Variants in ABCA3 observed in about 807,000 individuals in gnomAD.
ABCA3 encodes phospholipid-transporting ATPase ABCA3.
ABCA3 carries 88 observed loss-of-function variants against 172.8 expected under a neutral mutation model. The ratio of observed to expected loss-of-function variants is 0.51; its 90% CI spans 0.43 to 0.61. The LOEUF is 0.61. Among genes scored for constraint, ABCA3 ranks in the 20% least tolerant of loss-of-function variants. The pLI, the probability that ABCA3 is intolerant of heterozygous loss-of-function variation, is 0.00. For missense variants in ABCA3, 2,164 were observed against 2,301.0 expected (o/e 0.94, Z 1.22); for synonymous variants, 1,066 against 983.8 (o/e 1.08, Z -1.56).
intron 10 of ABCA3, among the ~76,000 whole-genome samples, chr16:2,315,617 G>GAT (rs947068057): frequency 6.6e-6 from 1 of 152,114 alleles, no homozygotes; most frequent in Non-Finnish European, 1.5e-5. Context: ...GTGCACATCA[G>GAT]ATATGTTGGC....
At chr16:2,309,818 C>G (rs1220354310) in intron 10 of ABCA3, among the ~76,000 whole-genome samples, 3 of 152,052 alleles carry the variant, frequency 2.0e-5, no homozygotes, top group African/African-American at 7.2e-5. Flanking sequence ...ATGGGTTTCC[C>G]TATTTTGTCA....
Position 2,303,986 on chromosome 16 carries a change from A to T in ABCA3, c.1450T>A (p.Trp484Arg). Residue 484 changes from tryptophan to arginine, a missense_variant, in exon 12 of 33, where the codon TGG (tryptophan) becomes AGG (arginine). Around this residue, in one of 3 missense-constraint regions of ABCA3, gnomAD observed 1,343 missense variants for 1,369.6 expected, o/e 0.98. Coordinates refer to ENST00000301732, the MANE Select transcript of ABCA3 (RefSeq NM_001089.3). ...FPGQFGVPQP[W>R]YFFIMPSYWC... ...GAACTCACCATGATGAAGAAGTACCAGGGCTGAGGCACGCCGAACTGCCCT... is the reference window on the plus strand; with the variant it reads ...GAACTCACCATGATGAAGAAGTACCTGGGCTGAGGCACGCCGAACTGCCCT... 6.2e-7 allele frequency: 1 copy of T among 1,614,162 alleles called. No homozygotes were observed. The highest frequency in any genetic ancestry group is 8.5e-7 in the Non-Finnish European group (1 of 1,180,020).
At chr16:2,318,293 C>T (rs1055085860) in intron 8 of ABCA3, among the ~76,000 whole-genome samples, 3 of 152,074 alleles carry the variant, frequency 2.0e-5, no homozygotes, top group South Asian at 2.1e-4. Context: ...AGTGATGGGT[C>T]GGCTCTGACC....
intron 7 of ABCA3, among the ~76,000 whole-genome samples, chr16:2,321,598 C>T (rs1451146305): frequency 2.6e-5 from 4 of 152,130 alleles, no homozygotes; most frequent in African/African-American, 7.2e-5. Context: ...CTTGGCCTGA[C>T]AGCTAAGCCT....
chr16:2,299,789 C>T (rs539684110), intron 13 of ABCA3, among the ~76,000 whole-genome samples: 17 of 152,282 alleles, frequency 1.1e-4, no homozygotes, highest in East Asian at 5.8e-4. Context: ...CACTGCTGGA[C>T]GGCTGAGTCT....
chr16:2,306,254 G>A (rs1433830381), intron 11 of ABCA3, among the ~76,000 whole-genome samples: 2 of 152,092 alleles, frequency 1.3e-5, no homozygotes, highest in African/African-American at 2.4e-5. Flanking sequence ...GAGCCTGGGA[G>A]GTCGAGGCTA....
chr16:2,284,476 A>G lies in ABCA3; in HGVS notation c.3704-39T>C, dbSNP rs1187311095. Reference sequence around the variant, plus strand: ...GTAAGATCAGTCTGCGCTGGAGGGCACACCACACCCACCTCCAGGACGGGC... The same window carrying G: ...GTAAGATCAGTCTGCGCTGGAGGGCGCACCACACCCACCTCCAGGACGGGC... On this transcript the variant is annotated intron_variant, in intron 24 of 32. Transcript: ENST00000301732. This position sits in a 1 kb window ranked among gnomAD's most constrained non-coding sequence, Gnocchi z 5.9. 3.7e-6 allele frequency: 6 copies of G among 1,611,686 alleles called. No individual in the cohort carries two copies. In the Admixed American group the frequency reaches 6.7e-5, roughly 18 times the overall value.
At chr16:2,301,794 G>T (rs1337009152) in intron 12 of ABCA3, among the ~76,000 whole-genome samples, 2 of 152,100 alleles carry the variant, frequency 1.3e-5, no homozygotes, top group Admixed American at 1.3e-4. Flanking sequence ...CCACAGAATG[G>T]AACACTGTGT....
chr16:2,289,103 G>A (rs992802703), intron 20 of ABCA3: 3 of 332,876 alleles, frequency 9.0e-6, no homozygotes, highest in Non-Finnish European at 1.7e-5. Flanking sequence ...CCCAGGCCTC[G>A]GTTTCCCATC....
chr16:2,300,191 C>T (rs374472261), intron 12 of ABCA3, 43 bp from the exon 13 acceptor site: 20 of 1,611,872 alleles, frequency 1.2e-5, no homozygotes, highest in East Asian at 2.2e-5. Flanking sequence ...TTGTTTGTGA[C>T]GAGCAAAGCA....
chr16:2,323,438 C>T (rs1020529800), intron 7 of ABCA3, 85 bp downstream of exon 7: 2 of 1,561,082 alleles, frequency 1.3e-6, no homozygotes, highest in African/African-American at 2.7e-5. Flanking sequence ...TCAAGAAATA[C>T]TTTTGCAAAG....
In ABCA3 at chr16:2,315,839, CTTTTTTT is replaced by C. The variant is rs536716259; in HGVS notation, c.1111+1437_1111+1443del. Among the ~76,000 whole-genome samples the C allele has an allele frequency of 6.6e-3, 694 of 104,866 alleles. 3 individuals are homozygous for C. The highest frequency in any genetic ancestry group is 0.054 in the Middle Eastern group (10 of 184). The allele number at this position is 104,866 out of a possible 152,430, so 68.8% of individuals were successfully genotyped here. A position where few individuals can be genotyped will look rare whatever the true frequency, so the allele number is the denominator to read the frequency against. ...CCACCACACCTGGCTAATTTTTAAA[CTTTTTTT>C]TTTTTTTTTTTTTTTTTGTAGAGAC... On this transcript the variant is annotated intron_variant, in intron 10 of 32. Coordinates refer to ENST00000301732, the MANE Select transcript of ABCA3 (RefSeq NM_001089.3).
In ABCA3 at chr16:2,281,781, G is replaced by T. The variant is rs2093655605; in HGVS notation, c.4036-272C>A. 6.6e-6 allele frequency among the ~76,000 whole-genome samples: 1 copy of T among 151,946 alleles called. No homozygotes were observed. Among genetic ancestry groups the T allele is most frequent in the African/African-American group, 2.4e-5 (1 of 41,390 alleles). On this transcript the variant is annotated intron_variant, in intron 26 of 32. Coordinates refer to ENST00000301732, the MANE Select transcript of ABCA3 (RefSeq NM_001089.3). This position sits in a 1 kb window ranked among gnomAD's most constrained non-coding sequence, Gnocchi z 4.7. ...GGAGAAAAATCATAAATCTGCTGGG[G>T]AATATAAAATAAGATTTTTAGACAA...
chr16:2,304,401 A>T (rs182375391), intron 11 of ABCA3, among the ~76,000 whole-genome samples: 4 of 152,018 alleles, frequency 2.6e-5, no homozygotes, highest in Admixed American at 2.6e-4. Flanking sequence ...GCTTGCATTT[A>T]ATCTGTGACA....
Position 2,284,443 on chromosome 16 carries a change from T to G in ABCA3, c.3704-6A>C. The G allele has an allele frequency of 6.2e-7, 1 of 1,613,542 alleles. No homozygotes were observed. Among genetic ancestry groups the G allele is most frequent in the African/African-American group, 1.3e-5 (1 of 75,016 alleles). On this transcript the variant is annotated splice_region_variant and splice_polypyrimidine_tract_variant and intron_variant, in intron 24 of 32. Coordinates refer to ENST00000301732, the MANE Select transcript of ABCA3 (RefSeq NM_001089.3). This position sits in a 1 kb window ranked among gnomAD's most constrained non-coding sequence, Gnocchi z 5.9. The stretch of plus-strand genomic sequence containing the variant: ...AAGTTCTTCCAGTTTTACAGCTGCG[T>G]TGGGGAGGTAAGATCAGTCTGCGCT...
chr16:2,308,583 G>C lies in ABCA3; in HGVS notation c.1152C>G (p.Phe384Leu). The C allele has an allele frequency of 6.2e-7, 1 of 1,614,198 alleles. No individual in the cohort carries two copies. The highest frequency in any genetic ancestry group is 8.5e-7 in the Non-Finnish European group (1 of 1,180,020). The change falls in exon 11 of 33, where the codon TTC becomes TTG. Residue 384 changes from phenylalanine to leucine, a missense_variant. Phe to Leu is a conservative substitution (Grantham distance 22). Transcript: ENST00000301732. The part of the protein sequence containing the change: ...AAAFGGFLYF[F>L]TYIPYFFVAP... The stretch of plus-strand genomic sequence containing the variant: ...CCACGAAGAAGTAGGGGATGTAGGT[G>C]AAGAAGTAGAGGAAGCCTCCGAAGG...
intron 10 of ABCA3, among the ~76,000 whole-genome samples, chr16:2,311,647 G>A (rs1266563421): frequency 1.3e-5 from 2 of 152,122 alleles, no homozygotes; most frequent in Non-Finnish European, 2.9e-5. Context: ...TCAGCCTCCT[G>A]AGTAGATGGG....
At chr16:2,309,015 G>A (rs1202530347) in intron 10 of ABCA3, among the ~76,000 whole-genome samples, 1 of 151,666 alleles carries the variant, frequency 6.6e-6, no homozygotes, top group Admixed American at 6.6e-5. Context: ...GCACGATCTC[G>A]GCTCACTGCA....
chr16:2,283,195 C>A lies in ABCA3; in HGVS notation c.4026G>T (p.Arg1342Ser), dbSNP rs749684824. Residue 1342 changes from arginine to serine, a missense_variant, in exon 26 of 33, where the codon AGG becomes AGT. Coordinates refer to ENST00000301732, the MANE Select transcript of ABCA3 (RefSeq NM_001089.3). The surrounding 1 kb of genome is among the most constrained non-coding windows in gnomAD (Gnocchi z 5.4). Reference sequence around the variant, plus strand: ...TCCCGGAGCCACTCACCAGTGTCCGCCTCCTCCGGAGGGCGCAGAGGATGC... The same window carrying A: ...TCCCGGAGCCACTCACCAGTGTCCGACTCCTCCGGAGGGCGCAGAGGATGC... ...LRGILCALRRRRTLTELYTRM... is the reference protein window; with the variant it reads ...LRGILCALRRSRTLTELYTRM... 4 of 1,612,982 alleles carry A rather than the reference C, an allele frequency of 2.5e-6. No homozygotes were observed. Among genetic ancestry groups the A allele is most frequent in the Non-Finnish European group, 3.4e-6 (4 of 1,179,942 alleles).
Sources: gnomAD v4.1 joint callset for allele counts (sites outside exome capture counted in the v4.1 genomes callset) on GRCh38, gnomAD v4.1.1 for gene constraint, gnomAD v4.1.1 regional missense constraint, Gnocchi (gnomAD v3.1) non-coding constraint, MANE v1.5 for transcripts, NCBI Gene and HGNC (gene_info 2026-07-23, HGNC 2026-07-21) for gene names.